AUTS2: variants seen among roughly 807,000 people sequenced by gnomAD.
AUTS2 encodes activator of transcription and developmental regulator AUTS2.
Under a neutral mutation model 112.4 loss-of-function variants are expected in AUTS2, and 17 were observed. The observed-to-expected ratio is 0.15, with a 90% CI of 0.10 to 0.23. The LOEUF (loss-of-function observed/expected upper bound fraction) is 0.23. Ranked by LOEUF, AUTS2 falls within the 10% of genes least tolerant of loss-of-function variation. AUTS2 has a pLI of 1.00. For synonymous variants in AUTS2, 751 were observed against 702.7 expected, an observed-to-expected ratio of 1.07 and a Z score of -1.09; for missense variants, 1,510 against 1,701.6, an observed-to-expected ratio of 0.89 and a Z score of 1.98.
chr7:70,135,613 T>A (rs1806514718), intron 4 of AUTS2, among the ~76,000 whole-genome samples: 1 of 152,178 alleles, frequency 6.6e-6, no homozygotes, highest in South Asian at 2.1e-4. Context: ...AATAAATGAG[T>A]ATTTTCCAAG....
At chr7:69,636,483 C>A (rs1794535027) in intron 1 of AUTS2, among the ~76,000 whole-genome samples, 1 of 71,226 alleles carries the variant, frequency 1.4e-5, no homozygotes, top group Non-Finnish European at 3.4e-5. Flanking sequence ...GATCCGCGCC[C>A]CCCCCCCCCC....
At chr7:69,668,468 C>A (rs905838832) in intron 1 of AUTS2, among the ~76,000 whole-genome samples, 1 of 152,178 alleles carries the variant, frequency 6.6e-6, no homozygotes, top group African/African-American at 2.4e-5. Context: ...AGGGAAACTA[C>A]CCATCCACTA....
chr7:70,408,008 C>T (rs1344958919), intron 4 of AUTS2, among the ~76,000 whole-genome samples: 1 of 149,674 alleles, frequency 6.7e-6, no homozygotes, highest in Non-Finnish European at 1.5e-5. Context: ...GGGCCGAGAT[C>T]GCGCCACTGC....
Position 69,990,102 on chromosome 7 carries a change from A to T in AUTS2, c.522+90604A>T, listed in dbSNP as rs115033874. On this transcript the variant is annotated intron_variant, in intron 2 of 18. Transcript: ENST00000342771. ...TTCAAAAAACAGAAATAGCAATACAAAGTTGCAGTCTGAATTTGTGCATGC... is the reference window on the plus strand; with the variant it reads ...TTCAAAAAACAGAAATAGCAATACATAGTTGCAGTCTGAATTTGTGCATGC... Among the ~76,000 whole-genome samples, 446 of 152,272 alleles carry T rather than the reference A, an allele frequency of 2.9e-3. 4 individuals carry two copies. Among genetic ancestry groups the T allele is most frequent in the African/African-American group, 0.01 (432 of 41,550 alleles).
At chr7:70,036,595 C>G (rs1265511583) in intron 2 of AUTS2, among the ~76,000 whole-genome samples, 1 of 152,236 alleles carries the variant, frequency 6.6e-6, no homozygotes, top group Non-Finnish European at 1.5e-5. Flanking sequence ...CTCACCTCTT[C>G]TTCTCCACAG....
chr7:70,592,660 C>G (rs190801439), intron 5 of AUTS2, among the ~76,000 whole-genome samples: 14 of 152,154 alleles, frequency 9.2e-5, no homozygotes, highest in African/African-American at 2.9e-4. Flanking sequence ...ACCACGTCCA[C>G]TGCCTGCCTG....
At chr7:69,687,673 ATCTGAATAATGACCTT>A (rs1797121219) in intron 1 of AUTS2, among the ~76,000 whole-genome samples, 2 of 152,226 alleles carry the variant, frequency 1.3e-5, no homozygotes, top group African/African-American at 4.8e-5. Flanking sequence ...CCAGGAGACT[ATCTGAATAATGACCTT>A]TCTCTCTCTT....
intron 5 of AUTS2, among the ~76,000 whole-genome samples, chr7:70,458,912 G>A (rs1174161193): frequency 1.3e-5 from 2 of 152,166 alleles, no homozygotes; most frequent in African/African-American, 2.4e-5. Context: ...AGACACTTGC[G>A]AGATCTCAGG....
chr7:69,830,794 A>G (rs1196367245), intron 1 of AUTS2, among the ~76,000 whole-genome samples: 1 of 152,248 alleles, frequency 6.6e-6, no homozygotes, highest in Non-Finnish European at 1.5e-5. Context: ...GAGCTCATAA[A>G]CAAAAGTACT....
intron 5 of AUTS2, among the ~76,000 whole-genome samples, chr7:70,471,002 G>A (rs1479379117): frequency 6.6e-6 from 1 of 152,152 alleles, no homozygotes; most frequent in African/African-American, 2.4e-5. Flanking sequence ...AGGAAGTCGA[G>A]CAAGTGACAC....
intron 5 of AUTS2, among the ~76,000 whole-genome samples, chr7:70,636,713 C>T (rs1021580248): frequency 2.0e-4 from 30 of 149,930 alleles, no homozygotes; most frequent in Admixed American, 1.1e-3. Flanking sequence ...GTTGTGTGAT[C>T]ATAGCTTACT....
At chr7:69,737,681 C>CT (rs1787092204) in intron 1 of AUTS2, among the ~76,000 whole-genome samples, 1 of 152,134 alleles carries the variant, frequency 6.6e-6, no homozygotes, top group African/African-American at 2.4e-5. Context: ...AAGACAGCCC[C>CT]TTATACAGTG....
chr7:69,778,696 G>T (rs762640723), intron 1 of AUTS2, among the ~76,000 whole-genome samples: 3 of 152,166 alleles, frequency 2.0e-5, no homozygotes, highest in Non-Finnish European at 4.4e-5. Context: ...GAACAAGCCA[G>T]TTGGTTTTCT....
intron 10 of AUTS2, among the ~76,000 whole-genome samples, chr7:70,768,877 C>CTTTTTTTTTTT (rs66614263): frequency 3.1e-4 from 33 of 108,154 alleles, no homozygotes; most frequent in African/African-American, 6.4e-4. Context: ...CCAGTGATTT[C>CTTTTTTTTTTT]TTTTTTTTTT....
chr7:70,210,810 G>T (rs950721407), intron 4 of AUTS2, among the ~76,000 whole-genome samples: 1 of 152,188 alleles, frequency 6.6e-6, no homozygotes, highest in South Asian at 2.1e-4. Context: ...AACCAAGCTC[G>T]TGTTCTTATA....
At chr7:70,227,652 G>A (rs1211194574) in intron 4 of AUTS2, among the ~76,000 whole-genome samples, 11 of 151,802 alleles carry the variant, frequency 7.2e-5, no homozygotes, top group South Asian at 2.1e-4. Flanking sequence ...TTTCTATTCC[G>A]TTCAAAATAT....
chr7:70,345,713 A>G (rs1562896079), intron 4 of AUTS2, among the ~76,000 whole-genome samples: 1 of 152,136 alleles, frequency 6.6e-6, no homozygotes, highest in Non-Finnish European at 1.5e-5. Context: ...GCATCATGAG[A>G]CTTGTATTAC....
intron 1 of AUTS2, among the ~76,000 whole-genome samples, chr7:69,864,539 G>A (rs1793133779): frequency 6.6e-6 from 1 of 152,220 alleles, no homozygotes; most frequent in Non-Finnish European, 1.5e-5. Context: ...GATGCTTGCA[G>A]AACAGTTTCT....
At chr7:70,217,253 T>C (rs1811217736) in intron 4 of AUTS2, among the ~76,000 whole-genome samples, 1 of 152,220 alleles carries the variant, frequency 6.6e-6, no homozygotes, top group Non-Finnish European at 1.5e-5. Context: ...GTTCCTATCC[T>C]TCTTTCCACT....
Sources: allele counts gnomAD v4.1 joint callset (sites outside exome capture counted in the v4.1 genomes callset), GRCh38; gene constraint gnomAD v4.1.1; transcripts MANE v1.5; gene names NCBI Gene and HGNC (gene_info 2026-07-23, HGNC 2026-07-21).